Variants in C7 observed in about 807,000 individuals in gnomAD.
C7 encodes complement component C7.
C7 carries 83 observed loss-of-function variants against 104.8 expected under a neutral mutation model. The ratio of observed to expected loss-of-function variants is 0.79; its 90% CI spans 0.66 to 0.95. The LOEUF is 0.95. Among genes scored for constraint, C7 ranks in the 40% least tolerant of loss-of-function variants. The pLI, the probability that C7 is intolerant of heterozygous loss-of-function variation, is 0.00. For missense variants in C7, 1,070 were observed against 1,011.2 expected (o/e 1.06, Z -0.79); for synonymous variants, 415 against 360.6 (o/e 1.15, Z -1.71).
At chr5:40,927,337 G>C (rs1739575227) in intron 1 of C7, among the ~76,000 whole-genome samples, 1 of 151,884 alleles carries the variant, frequency 6.6e-6, no homozygotes, top group African/African-American at 2.4e-5. Context: ...TTTCTAGGTG[G>C]GGATTTTTTG....
chr5:40,965,019 G>A lies in C7; in HGVS notation c.1882+146G>A, dbSNP rs554139825. ...ATGATCCTGTTCAAGTTTTAGGAGC[G>A]ACTTGAATAAGCCCTCCGCCTTCTC... is the stretch of plus-strand genomic sequence containing the variant. On this transcript the variant is annotated intron_variant, in intron 14 of 17. Transcript: ENST00000313164. The A allele has an allele frequency of 1.6e-5, 14 of 884,152 alleles. No homozygotes were observed. The Admixed American group carries it at 2.5e-4, about 16-fold the overall frequency. 54.8% of individuals were successfully genotyped at this position (884,152 alleles called of 1,614,324 possible). A position where few individuals can be genotyped will look rare whatever the true frequency, so the allele number is the denominator to read the frequency against.
Position 40,979,752 on chromosome 5 carries a change from TGA to T in C7, c.2198_2199del (p.Arg733LysfsTer20), listed in dbSNP as rs767974572. On this transcript the variant is annotated frameshift_variant, in exon 17 of 18. Coordinates refer to ENST00000313164, the MANE Select transcript of C7 (RefSeq NM_000587.4). LOFTEE classifies it high-confidence loss of function. ...GPSLDVCAQDERSKRILPLTV... is the reference protein window; with the variant it reads ...GPSLDVCAQDXRSKRILPLTV... ...CTTCCTTGGATGTATGTGCTCAAGATGAGAGAAGCAAAAGGATACTGCCTCTG... is the reference window on the plus strand; with the variant it reads ...CTTCCTTGGATGTATGTGCTCAAGATGAGAAGCAAAAGGATACTGCCTCTG... 3 of 1,613,520 alleles carry T rather than the reference TGA, an allele frequency of 1.9e-6. No homozygotes were observed. Among genetic ancestry groups the T allele is most frequent in the Non-Finnish European group, 2.5e-6 (3 of 1,179,632 alleles).
intron 6 of C7, among the ~76,000 whole-genome samples, chr5:40,941,433 G>T (rs868769573): frequency 6.6e-6 from 1 of 152,088 alleles, no homozygotes; most frequent in Non-Finnish European, 1.5e-5. Context: ...GTGAAGAGTT[G>T]TAAGAAATGA....
chr5:40,911,547 A>T (rs937320267), intron 1 of C7, among the ~76,000 whole-genome samples: 1 of 152,206 alleles, frequency 6.6e-6, no homozygotes, highest in East Asian at 1.9e-4. Flanking sequence ...TGGTCGTCAC[A>T]GTGCCCAAGC....
At chr5:40,958,289 C>A (rs772817557) in intron 11 of C7, 28 bp downstream of exon 11, 2 of 1,402,352 alleles carry the variant, frequency 1.4e-6, no homozygotes, top group South Asian at 1.5e-5. Context: ...TCTCTAGCCA[C>A]CCTGTACACA....
intron 1 of C7, among the ~76,000 whole-genome samples, chr5:40,919,331 G>C (rs1487928910): frequency 6.6e-6 from 1 of 151,986 alleles, no homozygotes; most frequent in Non-Finnish European, 1.5e-5. Context: ...CACCATGTTG[G>C]CCAGGCTGGA....
chr5:40,918,749 C>G (rs1417574075), intron 1 of C7, among the ~76,000 whole-genome samples: 2 of 150,776 alleles, frequency 1.3e-5, no homozygotes, highest in African/African-American at 4.9e-5. Context: ...GAGGGTATAA[C>G]AATTGTAAAT....
At chr5:40,916,141 C>T (rs1278811707) in intron 1 of C7, among the ~76,000 whole-genome samples, 2 of 149,936 alleles carry the variant, frequency 1.3e-5, no homozygotes, top group African/African-American at 2.5e-5. Flanking sequence ...TAGAAACTAC[C>T]TATAATTTGA....
chr5:40,913,246 T>C lies in C7; in HGVS notation c.6+3630T>C, dbSNP rs554659970. Among the ~76,000 whole-genome samples the C allele has an allele frequency of 2.0e-5, 3 of 152,332 alleles. No homozygotes were observed. In the East Asian group the frequency reaches 5.8e-4, roughly 29 times the overall value. ...GCTTCTATATCTTTGCTATTGTGAA[T>C]AGTGTTGAGATAAACATACGAGTAC... On this transcript the variant is annotated intron_variant, in intron 1 of 17. Coordinates refer to ENST00000313164, the MANE Select transcript of C7 (RefSeq NM_000587.4).
intron 3 of C7, among the ~76,000 whole-genome samples, chr5:40,932,226 A>G (rs953977296): frequency 2.6e-5 from 4 of 152,234 alleles, no homozygotes; most frequent in Non-Finnish European, 5.9e-5. Flanking sequence ...AAAATAATTT[A>G]TAACAGCAGT....
chr5:40,922,875 A>G (rs1423541513), intron 1 of C7, among the ~76,000 whole-genome samples: 4 of 152,210 alleles, frequency 2.6e-5, no homozygotes, highest in Admixed American at 6.5e-5. Context: ...TGAAACAACT[A>G]GAAGAAAACA....
chr5:40,974,966 T>C (rs1417699794), intron 15 of C7, among the ~76,000 whole-genome samples: 1 of 152,150 alleles, frequency 6.6e-6, no homozygotes, highest in South Asian at 2.1e-4. Flanking sequence ...TACCCAACAG[T>C]AGCATCCTCC....
chr5:40,972,249 G>T (rs929540686), intron 14 of C7, among the ~76,000 whole-genome samples, 154 bp from the exon 15 acceptor site: 7 of 152,134 alleles, frequency 4.6e-5, no homozygotes, highest in African/African-American at 1.7e-4. Flanking sequence ...TGTGTGACAT[G>T]TCTTTCAGTC....
intron 12 of C7, among the ~76,000 whole-genome samples, chr5:40,960,385 G>A (rs1458463146): frequency 1.3e-5 from 2 of 152,114 alleles, no homozygotes; most frequent in Non-Finnish European, 2.9e-5. Flanking sequence ...GGTGAATAAA[G>A]AAAAAAGAAT....
At chr5:40,974,301 G>A (rs1015571401) in intron 15 of C7, among the ~76,000 whole-genome samples, 11 of 150,026 alleles carry the variant, frequency 7.3e-5, no homozygotes, top group Admixed American at 2.7e-4. Flanking sequence ...CCTTAAGAGT[G>A]TGTTTACTTG....
intron 3 of C7, among the ~76,000 whole-genome samples, chr5:40,933,687 C>G (rs1460273540): frequency 6.6e-6 from 1 of 152,116 alleles, no homozygotes; most frequent in African/African-American, 2.4e-5. Context: ...TTTTTGCTTG[C>G]CTTTCTTCCT....
rs935321253 is a variant in C7 at position 40,941,349 on chromosome 5, C to G, written c.567+3659C>G. Among the ~76,000 whole-genome samples the G allele has an allele frequency of 3.9e-5, 6 of 152,126 alleles. No homozygotes were observed. The East Asian group carries it at 1.2e-3, about 29-fold the overall frequency. On this transcript the variant is annotated intron_variant, in intron 6 of 17. Transcript: ENST00000313164. ...AAAGTGCTGGGATTACAAGCGTGAG[C>G]CACTGACCCTGGCCCGAGGAGCACT... is the stretch of plus-strand genomic sequence containing the variant.
intron 9 of C7, among the ~76,000 whole-genome samples, chr5:40,953,228 T>C (rs1406515360): frequency 6.6e-6 from 1 of 152,108 alleles, no homozygotes; most frequent in Non-Finnish European, 1.5e-5. Flanking sequence ...TTCTCATATG[T>C]GAGGGTTAAA....
rs911874612 is a variant in C7, at chr5:40,983,687, A to G, written c.*2114A>G. Among the ~76,000 whole-genome samples, 14 of 152,214 alleles carry G rather than the reference A, an allele frequency of 9.2e-5. No homozygotes were observed. Among genetic ancestry groups the G allele is most frequent in the African/African-American group, 3.1e-4 (13 of 41,464 alleles). On this transcript the variant is annotated 3_prime_UTR_variant, in exon 18 of 18. Transcript: ENST00000313164. ...CAGCAAGGAGAAAGTCATTTTTAAG[A>G]TTAAATTTTTAAAAATGTTTTGAAA...
Sources: allele counts gnomAD v4.1 joint callset (sites outside exome capture counted in the v4.1 genomes callset), GRCh38; gene constraint gnomAD v4.1.1; transcripts MANE v1.5; gene names NCBI Gene and HGNC (gene_info 2026-07-23, HGNC 2026-07-21).